ZNF717: variants seen among roughly 807,000 people sequenced by gnomAD.
The protein encoded by ZNF717 is krueppel-like factor X17.
ZNF717 carries 9 observed loss-of-function variants against 13.8 expected under a neutral mutation model. The observed-to-expected ratio is 0.65, with a 90% confidence interval of 0.39 to 1.14. The LOEUF (loss-of-function observed/expected upper bound fraction) is 1.14, where lower values mean the gene tolerates loss of function less well. Ranked by LOEUF, ZNF717 falls within the 50% of genes most tolerant of loss-of-function variation. ZNF717 has a pLI of 0.01. For missense variants in ZNF717, 1,040 were observed against 1,080.7 expected (o/e 0.96, Z 0.53); for synonymous variants, 327 against 364.1 (o/e 0.90, Z 1.16).
Position 75,736,151 on chromosome 3 carries a change from T to C in ZNF717, c.*727A>G, listed in dbSNP as rs1224045574. 1.3e-5 allele frequency: 2 copies of C among 152,312 alleles called. No homozygotes were observed. The highest frequency in any genetic ancestry group is 2.9e-5 in the Non-Finnish European group (2 of 68,086). 9.4% of individuals were successfully genotyped at this position (152,312 alleles called of 1,614,324 possible). A position where few individuals can be genotyped will look rare whatever the true frequency, so the allele number is the denominator to read the frequency against. Reference sequence around the variant, plus strand: ...GCAAACGTGATGGAAAAATGTTGTGTTTGACTGCTTCATTGACTAGTCATT... The same window carrying C: ...GCAAACGTGATGGAAAAATGTTGTGCTTGACTGCTTCATTGACTAGTCATT... On this transcript the variant is annotated 3_prime_UTR_variant, in exon 5 of 5. Transcript: ENST00000652011.
At chr3:75,753,245 G>A (rs532494244) in intron 2 of ZNF717, among the ~76,000 whole-genome samples, 18 of 112,886 alleles carry the variant, frequency 1.6e-4, no homozygotes, top group Non-Finnish European at 2.4e-4. Context: ...ACACTGCTGC[G>A]AGGGTCTAAA....
downstream of ZNF717, among the ~76,000 whole-genome samples, chr3:75,706,669 C>T (rs1937809006): frequency 6.6e-6 from 1 of 152,306 alleles, no homozygotes; most frequent in African/African-American, 2.4e-5. Flanking sequence ...TCATCAGAGC[C>T]CAGCAGACTC....
chr3:75,738,004 C>A lies in ZNF717; in HGVS notation c.1619G>T (p.Cys540Phe). Residue 540 changes from cysteine to phenylalanine, a missense_variant, in exon 5 of 5, where the codon TGT becomes TTT. This residue lies in a region of ZNF717 where 873 missense variants were observed against 832.8 expected (regional missense o/e 1.05). Coordinates refer to ENST00000652011, the MANE Select transcript of ZNF717 (RefSeq NM_001290208.3). ...AGEKPYACNECGKTYSHKSYL... is the reference protein window; with the variant it reads ...AGEKPYACNEFGKTYSHKSYL... ...TGACTTGTGGCTATATGTTTTTCCA[C>A]ATTCGTTACATGCGTATGGTTTTTC... The A allele has an allele frequency of 7.4e-7, 1 of 1,343,842 alleles. No homozygotes were observed. The highest frequency in any genetic ancestry group is 9.9e-7 in the Non-Finnish European group (1 of 1,007,272). 83.2% of individuals were successfully genotyped at this position (1,343,842 alleles called of 1,614,324 possible).
downstream of ZNF717, among the ~76,000 whole-genome samples, chr3:75,727,674 T>C (rs1206925056): frequency 4.6e-5 from 7 of 152,238 alleles, no homozygotes; most frequent in African/African-American, 1.4e-4. Context: ...TCTTGAACCT[T>C]GTTTCCTGTT....
chr3:75,748,730 A>G (rs1296699402), intron 2 of ZNF717, among the ~76,000 whole-genome samples: 4 of 152,190 alleles, frequency 2.6e-5, no homozygotes, highest in Non-Finnish European at 4.4e-5. Context: ...CGCACAGCCA[A>G]TATCATACTG....
intron 4 of ZNF717, among the ~76,000 whole-genome samples, chr3:75,739,804 CT>C (rs1940131146): frequency 1.3e-5 from 2 of 152,296 alleles, no homozygotes; most frequent in South Asian, 4.1e-4. Flanking sequence ...GGCCATTTTT[CT>C]GTCTCCTAAG....
intron 2 of ZNF717, among the ~76,000 whole-genome samples, chr3:75,776,063 C>T (rs1289218043): frequency 2.6e-5 from 4 of 152,244 alleles, no homozygotes; most frequent in African/African-American, 9.6e-5. Flanking sequence ...GTTACCAGTG[C>T]CATGCACCTA....
downstream of ZNF717, among the ~76,000 whole-genome samples, chr3:75,725,697 G>A (rs1189282514): frequency 1.3e-5 from 2 of 152,230 alleles, no homozygotes; most frequent in Non-Finnish European, 2.9e-5. Flanking sequence ...GCAGACAAGA[G>A]AGAGCATGTG....
intron 2 of ZNF717, among the ~76,000 whole-genome samples, chr3:75,777,845 A>C (rs1944455720): frequency 6.6e-6 from 1 of 151,640 alleles, no homozygotes; most frequent in African/African-American, 2.4e-5. Context: ...ACCCAAAACA[A>C]TGGGAGTGAT....
In ZNF717 at chr3:75,738,845, C is replaced by G; in HGVS notation, c.778G>C (p.Gly260Arg). ...GACTTTCTACAGCAAGTTGGCTGTC[C>G]TACCTGAGTTATCACTTGGACAATA... ...AVIVQVITQV[G>R]QPTCCRKSDF... The change falls in exon 5 of 5, where the codon GGA (glycine) becomes CGA (arginine). Residue 260 changes from glycine (G) to arginine (R), a missense_variant. Physicochemically the swap from Gly to Arg is moderately radical, Grantham distance 125 (BLOSUM62 -2). Coordinates refer to ENST00000652011, the MANE Select transcript of ZNF717 (RefSeq NM_001290208.3). The G allele has an allele frequency of 6.4e-7, 1 of 1,551,582 alleles. No homozygotes were observed. Among genetic ancestry groups the G allele is most frequent in the South Asian group, 1.2e-5 (1 of 84,058 alleles).
At position 75,736,872 on chromosome 3, in the gene ZNF717, G is replaced by T. The variant is rs1371113293; in HGVS notation, c.*6C>A. 3 of 1,539,444 alleles carry T rather than the reference G, an allele frequency of 1.9e-6. No homozygotes were observed. Among genetic ancestry groups the T allele is most frequent in the African/African-American group, 1.4e-5 (1 of 72,756 alleles). On this transcript the variant is annotated 3_prime_UTR_variant, in exon 5 of 5. Transcript: ENST00000652011. ...AATAGTAGCCAGAGAGGTGTAGGTTGTGTGTTCAAGGGAAAAAAGAGTGAT... is the reference window on the plus strand; with the variant it reads ...AATAGTAGCCAGAGAGGTGTAGGTTTTGTGTTCAAGGGAAAAAAGAGTGAT...
Position 75,719,665 on chromosome 3 carries a change from A to G in ZNF717, n.545-3124T>C, listed in dbSNP as rs1281380560. On this transcript the variant is annotated intron_variant and non_coding_transcript_variant, in intron 4 of 5. Transcript: ENST00000491507. Reference sequence around the variant, plus strand: ...TGAGGAGTACAAAATTCTACTTTAGAAAACATCTTGGCCAGATGCAGTGGC... The same window carrying G: ...TGAGGAGTACAAAATTCTACTTTAGGAAACATCTTGGCCAGATGCAGTGGC... Among the ~76,000 whole-genome samples the G allele has an allele frequency of 3.3e-5, 5 of 152,276 alleles. No homozygotes were observed. The East Asian group carries it at 5.8e-4, about 18-fold the overall frequency.
chr3:75,723,293 A>T (rs1258467156), intron 4 of ZNF717, among the ~76,000 whole-genome samples: 3 of 106,640 alleles, frequency 2.8e-5, no homozygotes, highest in Non-Finnish European at 5.1e-5. Flanking sequence ...TCTGTTGCCC[A>T]GGCTGGAGTG....
rs1559600374 is a variant in ZNF717 at position 75,738,488 on chromosome 3, TAC to T, written c.1133_1134del (p.Cys378Ter). The T allele has an allele frequency of 6.5e-7, 1 of 1,531,732 alleles. No homozygotes were observed. Among genetic ancestry groups the T allele is most frequent in the East Asian group, 2.5e-5 (1 of 40,008 alleles). 94.9% of individuals were successfully genotyped at this position (1,531,732 alleles called of 1,614,324 possible). ...CTGTGATGTAAAGTGAGAAGTGACT[TAC>T]AGTGAAAAGTTTTTCCACATTCAAT... ...KCIECGKTFH[C>X]KSLLTLHHRT... is the part of the protein sequence containing the mutation. On this transcript the variant is annotated frameshift_variant, in exon 5 of 5. Transcript: ENST00000652011. LOFTEE classifies it low-confidence loss of function (END_TRUNC).
chr3:75,764,691 A>C (rs908281289), intron 2 of ZNF717, among the ~76,000 whole-genome samples: 3 of 152,252 alleles, frequency 2.0e-5, no homozygotes, highest in African/African-American at 7.2e-5. Flanking sequence ...TAACATCACT[A>C]ATCATTAGAG....
At chr3:75,701,151 T>C (rs576660940) in intron 6 of ZNF717, among the ~76,000 whole-genome samples, 3 of 152,306 alleles carry the variant, frequency 2.0e-5, no homozygotes, top group African/African-American at 7.2e-5. Context: ...TAGAAGGTGA[T>C]TGGATCATGG....
intron 2 of ZNF717, among the ~76,000 whole-genome samples, chr3:75,768,697 A>G: frequency 6.9e-6 from 1 of 145,616 alleles, no homozygotes; most frequent in East Asian, 2.2e-4. Flanking sequence ...ACCCTCATTC[A>G]GTCCTCACTG....
At chr3:75,749,385 G>A (rs74965554) in intron 2 of ZNF717, among the ~76,000 whole-genome samples, 4 of 150,500 alleles carry the variant, frequency 2.7e-5, no homozygotes, top group African/African-American at 7.4e-5. Context: ...ACACTTCAAC[G>A]AGGGTCTGAA....
downstream of ZNF717, among the ~76,000 whole-genome samples, chr3:75,727,131 TCTTA>T (rs1408591454): frequency 6.6e-6 from 1 of 152,290 alleles, no homozygotes; most frequent in East Asian, 1.9e-4. Flanking sequence ...CTTATGCCTG[TCTTA>T]CTTTAATCTC....
Sources: allele counts gnomAD v4.1 joint callset (sites outside exome capture counted in the v4.1 genomes callset), GRCh38; gene constraint gnomAD v4.1.1; regional missense constraint gnomAD v4.1.1; transcripts MANE v1.5; gene names NCBI Gene and HGNC (gene_info 2026-07-23, HGNC 2026-07-21).